ACOXL: variants seen among roughly 807,000 people sequenced by gnomAD.
The protein encoded by ACOXL is acyl-CoA oxidase like, also known as acyl-coenzyme A oxidase-like protein.
In ACOXL, 70 loss-of-function variants were observed where a neutral mutation model predicts 71.9. That is an observed-to-expected ratio of 0.97 (90% CI 0.80 to 1.19). The LOEUF (loss-of-function observed/expected upper bound fraction) is 1.19. Ranked by LOEUF, ACOXL falls within the 50% of genes most tolerant of loss-of-function variation. The pLI is 0.00. For synonymous variants in ACOXL, 253 were observed against 281.6 expected (o/e 0.90, Z 1.02); for missense variants, 703 against 736.3 (o/e 0.95, Z 0.52).
intron 12 of ACOXL, among the ~76,000 whole-genome samples, chr2:110,941,962 G>A (rs1173763305): frequency 6.6e-6 from 1 of 152,066 alleles, no homozygotes. Context: ...TAACTGCTTA[G>A]ACAAAAATAA....
chr2:110,927,911 A>T (rs1303397212), intron 11 of ACOXL, among the ~76,000 whole-genome samples: 1 of 152,182 alleles, frequency 6.6e-6, no homozygotes, highest in Non-Finnish European at 1.5e-5. Flanking sequence ...TTGGGAGCTG[A>T]TATCTCCCTT....
chr2:110,735,635 A>G (rs896155463), intron 1 of ACOXL, among the ~76,000 whole-genome samples: 3 of 152,138 alleles, frequency 2.0e-5, no homozygotes, highest in Admixed American at 1.3e-4. Context: ...CTAAGGAGTG[A>G]CTTTCTCTCT....
intron 3 of ACOXL, among the ~76,000 whole-genome samples, chr2:110,792,021 C>T (rs1684713091): frequency 6.6e-6 from 1 of 152,208 alleles, no homozygotes; most frequent in East Asian, 1.9e-4. Flanking sequence ...CTGTATGGCC[C>T]CAGGCTTCCA....
At position 110,951,298 on chromosome 2, in the gene ACOXL, T is replaced by C. The variant is rs1186821213; in HGVS notation, c.1059+17656T>C. On this transcript the variant is annotated intron_variant, in intron 12 of 17. Transcript: ENST00000439055. Reference sequence around the variant, plus strand: ...AGTTTAATTTTGTATGTTGATCTTATAATCAACAACCTAGTTAAAGTGCCA... The same window carrying C: ...AGTTTAATTTTGTATGTTGATCTTACAATCAACAACCTAGTTAAAGTGCCA... Among the ~76,000 whole-genome samples the C allele has an allele frequency of 2.6e-5, 4 of 152,374 alleles. No homozygotes were observed. The East Asian group carries it at 7.7e-4, about 29-fold the overall frequency.
intron 13 of ACOXL, among the ~76,000 whole-genome samples, chr2:110,992,476 A>C (rs13429961): frequency 0.047 from 7,163 of 152,200 alleles, 559 homozygotes; most frequent in African/African-American, 0.16. Flanking sequence ...AGCCCTGAGA[A>C]AGGTACTCTT....
intron 1 of ACOXL, among the ~76,000 whole-genome samples, chr2:110,750,683 G>GTA (rs150301771): frequency 0.011 from 1,655 of 147,584 alleles, 9 homozygotes; most frequent in South Asian, 0.033. Context: ...GTGTGTGTGT[G>GTA]TATATATATA....
chr2:110,984,389 G>C (rs1009608968), intron 12 of ACOXL, among the ~76,000 whole-genome samples: 4 of 152,040 alleles, frequency 2.6e-5, no homozygotes, highest in Admixed American at 2.0e-4. Context: ...CTTTGCCTCT[G>C]CCTGGTAATT....
chr2:110,750,430 G>T (rs946039242), intron 1 of ACOXL, among the ~76,000 whole-genome samples: 1 of 151,940 alleles, frequency 6.6e-6, no homozygotes, highest in Non-Finnish European at 1.5e-5. Context: ...CCTAGAATCA[G>T]CCATTTATCC....
At chr2:111,010,879 A>C (rs1056733140) in intron 14 of ACOXL, among the ~76,000 whole-genome samples, 3 of 152,222 alleles carry the variant, frequency 2.0e-5, no homozygotes, top group Non-Finnish European at 2.9e-5. Flanking sequence ...AATGAAATAA[A>C]AGCATTTTCA....
chr2:110,744,583 T>A (rs1677959968), intron 1 of ACOXL, among the ~76,000 whole-genome samples: 1 of 152,154 alleles, frequency 6.6e-6, no homozygotes, highest in African/African-American at 2.4e-5. Context: ...ACCTACAACC[T>A]TCTCCCACAG....
intron 1 of ACOXL, among the ~76,000 whole-genome samples, chr2:110,735,633 T>A (rs953633999): frequency 6.6e-6 from 1 of 151,974 alleles, no homozygotes; most frequent in Non-Finnish European, 1.5e-5. Context: ...TTCTAAGGAG[T>A]GACTTTCTCT....
chr2:110,840,456 A>G (rs1691023476), intron 9 of ACOXL, among the ~76,000 whole-genome samples: 1 of 152,258 alleles, frequency 6.6e-6, no homozygotes, highest in Admixed American at 6.5e-5. Context: ...AGATAAGAAC[A>G]CACAAATACA....
intron 14 of ACOXL, among the ~76,000 whole-genome samples, chr2:111,024,370 A>C (rs2064918178): frequency 6.6e-6 from 1 of 152,214 alleles, no homozygotes; most frequent in Non-Finnish European, 1.5e-5. Context: ...CTTTATAAGA[A>C]GAGCAGAGAC....
intron 17 of ACOXL, chr2:111,093,546 T>C: frequency 6.2e-7 from 1 of 1,613,572 alleles, no homozygotes; most frequent in Non-Finnish European, 8.5e-7. Flanking sequence ...GGAGCTCATA[T>C]CCAAGGACAC....
intron 14 of ACOXL, among the ~76,000 whole-genome samples, chr2:111,022,739 G>T (rs2064827915): frequency 6.6e-6 from 1 of 152,180 alleles, no homozygotes; most frequent in South Asian, 2.1e-4. Context: ...GGCAGGGAGG[G>T]CTCCTAGGGG....
At chr2:110,804,199 C>T (rs760302319) in intron 8 of ACOXL, among the ~76,000 whole-genome samples, 1 of 152,012 alleles carries the variant, frequency 6.6e-6, no homozygotes, top group Non-Finnish European at 1.5e-5. Flanking sequence ...GTTGACCAGG[C>T]TGGTCTTGAA....
rs368071092 is a variant in ACOXL, at chr2:110,796,646, C to T, written c.346-1964C>T. 2.6e-5 allele frequency among the ~76,000 whole-genome samples: 4 copies of T among 152,318 alleles called. 1 individual carries two copies. The highest frequency in any genetic ancestry group is 6.5e-5 in the Admixed American group (1 of 15,298). Reference sequence around the variant, plus strand: ...CTTACCCTGAGTGTAAGCATGCGCCCACCCACATGGGTTGTATTTTTGTTG... The same window carrying T: ...CTTACCCTGAGTGTAAGCATGCGCCTACCCACATGGGTTGTATTTTTGTTG... On this transcript the variant is annotated intron_variant, in intron 5 of 17. Transcript: ENST00000439055.
At chr2:110,920,099 G>C (rs1450659982) in intron 11 of ACOXL, among the ~76,000 whole-genome samples, 1 of 152,196 alleles carries the variant, frequency 6.6e-6, no homozygotes, top group East Asian at 1.9e-4. Flanking sequence ...AGGACTGGTA[G>C]GTCAAGTGGT....
Position 111,117,648 on chromosome 2 carries a change from T to C in ACOXL, c.1575T>C (p.Asp525=). 1.9e-6 allele frequency: 3 copies of C among 1,551,748 alleles called. No individual in the cohort carries two copies. The highest frequency in any genetic ancestry group is 1.2e-5 in the South Asian group (1 of 84,060). ...LLDLCDSVKD[D]ARRVISTFNI... Reference sequence around the variant, plus strand: ...ATTTGTGCGACTCGGTGAAGGATGATGCCCGGAGGGTGATCTCGACCTTTA... The same window carrying C: ...ATTTGTGCGACTCGGTGAAGGATGACGCCCGGAGGGTGATCTCGACCTTTA... Residue 525 remains aspartate, a synonymous_variant, in exon 18 of 18, where the codon GAT becomes GAC. Transcript: ENST00000439055.
Sources: gnomAD v4.1 joint callset for allele counts (sites outside exome capture counted in the v4.1 genomes callset) on GRCh38, gnomAD v4.1.1 for gene constraint, MANE v1.5 for transcripts, NCBI Gene and HGNC (gene_info 2026-07-23, HGNC 2026-07-21) for gene names.